The following NFAT5 variants were observed in gnomAD, a reference collection of about 807,000 sequenced individuals.
The protein encoded by NFAT5 is nuclear factor of activated T cells 5.
NFAT5 carries 31 observed loss-of-function variants against 166.5 expected under a neutral mutation model. The observed-to-expected ratio is 0.19, with a 90% CI of 0.14 to 0.25. The LOEUF (loss-of-function observed/expected upper bound fraction) is 0.25, where lower values mean the gene tolerates loss of function less well. Ranked by LOEUF, NFAT5 falls within the 10% of genes least tolerant of loss-of-function variation. NFAT5 has a pLI of 1.00. For missense variants in NFAT5, 1,449 were observed against 1,821.8 expected (o/e 0.80, Z 3.72); for synonymous variants, 612 against 639.7 (o/e 0.96, Z 0.65).
At chr16:69,663,678 T>C (rs2036245240) in intron 7 of NFAT5, among the ~76,000 whole-genome samples, 1 of 151,674 alleles carries the variant, frequency 6.6e-6, no homozygotes, top group Admixed American at 6.6e-5. Context: ...GAAACCAGCC[T>C]GGACAACATA....
At chr16:69,603,875 G>T (rs988075476) in intron 2 of NFAT5, among the ~76,000 whole-genome samples, 1 of 152,088 alleles carries the variant, frequency 6.6e-6, no homozygotes, top group Non-Finnish European at 1.5e-5. Context: ...CAATTTCCTT[G>T]CCAGTATTAT....
chr16:69,684,404 C>CA (rs1347844686), intron 10 of NFAT5, among the ~76,000 whole-genome samples: 1 of 149,174 alleles, frequency 6.7e-6, no homozygotes, highest in Non-Finnish European at 1.5e-5. Context: ...ACTAAAAATA[C>CA]AAAAAAATTA....
intron 2 of NFAT5, among the ~76,000 whole-genome samples, chr16:69,595,427 G>C (rs1347045196): frequency 1.3e-5 from 2 of 152,108 alleles, no homozygotes; most frequent in African/African-American, 2.4e-5. Context: ...TGGGTTTCTG[G>C]TGCAACATAT....
chr16:69,574,927 C>A (rs550897700), intron 2 of NFAT5, among the ~76,000 whole-genome samples: 19 of 152,160 alleles, frequency 1.2e-4, no homozygotes, highest in Non-Finnish European at 5.9e-5. Context: ...CTCCCTCAGC[C>A]TCCCAAACTG....
intron 11 of NFAT5, among the ~76,000 whole-genome samples, chr16:69,686,339 C>T (rs1358132083): frequency 2.0e-5 from 3 of 150,822 alleles, no homozygotes; most frequent in Non-Finnish European, 3.0e-5. Context: ...GGCAACAGAG[C>T]GGGACTCGGT....
At chr16:69,621,268 A>G (rs2034185269) in intron 2 of NFAT5, among the ~76,000 whole-genome samples, 1 of 151,904 alleles carries the variant, frequency 6.6e-6, no homozygotes, top group South Asian at 2.1e-4. Flanking sequence ...AAAAAAAAAC[A>G]GCTTTATTGA....
intron 6 of NFAT5, among the ~76,000 whole-genome samples, chr16:69,658,292 G>C (rs1404540424): frequency 1.3e-5 from 2 of 151,692 alleles, no homozygotes; most frequent in African/African-American, 2.4e-5. Flanking sequence ...AGACCAGCCT[G>C]GCCAACATGG....
At chr16:69,656,671 C>G (rs1297507743) in intron 6 of NFAT5, among the ~76,000 whole-genome samples, 2 of 152,038 alleles carry the variant, frequency 1.3e-5, no homozygotes, top group East Asian at 3.9e-4. Context: ...AGGCTGGTCT[C>G]CAACTCCTGA....
At chr16:69,690,319 GAA>G (rs543291121) in intron 11 of NFAT5, among the ~76,000 whole-genome samples, 1 of 144,726 alleles carries the variant, frequency 6.9e-6, no homozygotes, top group Non-Finnish European at 1.5e-5. Context: ...TATTTCTGGG[GAA>G]AAAAAAAAAG....
intron 2 of NFAT5, among the ~76,000 whole-genome samples, chr16:69,583,384 A>C (rs2031829240): frequency 6.6e-6 from 1 of 151,894 alleles, no homozygotes; most frequent in Non-Finnish European, 1.5e-5. Context: ...CTAATTAAAA[A>C]AAAAAAAAAA....
intron 6 of NFAT5, among the ~76,000 whole-genome samples, chr16:69,658,231 C>T (rs994790848): frequency 1.6e-4 from 25 of 151,896 alleles, no homozygotes; most frequent in African/African-American, 5.3e-4. Flanking sequence ...GCCTGTAATC[C>T]CAATGCTTTG....
intron 2 of NFAT5, among the ~76,000 whole-genome samples, chr16:69,586,008 A>T (rs1030922123): frequency 6.6e-6 from 1 of 152,222 alleles, no homozygotes; most frequent in Non-Finnish European, 1.5e-5. Context: ...AAAATGGTAA[A>T]TTTTATGTAT....
intron 7 of NFAT5, among the ~76,000 whole-genome samples, chr16:69,661,569 G>GAAAAAAAAAAAAAAAAAAAAA (rs1187473064): frequency 2.2e-5 from 2 of 92,030 alleles, no homozygotes; most frequent in African/African-American, 8.5e-5. Flanking sequence ...AAAAAAAAAG[G>GAAAAAAAAAAAAAAAAAAAAA]AAATTGTTCA....
At position 69,649,618 on chromosome 16, in the gene NFAT5, A is replaced by T. The variant is rs1414873545; in HGVS notation, c.812+2032A>T. ...TATATGGAAATGATGGAAGAATTTT[A>T]AAATTGGAATTTATAACAACTATAT... On this transcript the variant is annotated intron_variant, in intron 4 of 14. Transcript: ENST00000349945. 9.0e-6 allele frequency: 8 copies of T among 886,336 alleles called. No homozygotes were observed. In the East Asian group the frequency reaches 3.6e-4, roughly 40 times the overall value. The allele number at this position is 886,336 out of a possible 1,614,324, so 54.9% of individuals were successfully genotyped here.
rs2037880001 is a variant in NFAT5, at chr16:69,700,534, G to A, written c.*4183G>A. The A allele has an allele frequency of 6.6e-6, 1 of 152,064 alleles. No individual in the cohort carries two copies. The highest frequency in any genetic ancestry group is 2.1e-4 in the South Asian group (1 of 4,828). 9.4% of individuals were successfully genotyped at this position (152,064 alleles called of 1,614,324 possible). A position where few individuals can be genotyped will look rare whatever the true frequency, so the allele number is the denominator to read the frequency against. ...AATAATTAAAGTCTCAAATCACCATGGTTATACATTTTCACCAGAAATAGT... is the reference window on the plus strand; with the variant it reads ...AATAATTAAAGTCTCAAATCACCATAGTTATACATTTTCACCAGAAATAGT... On this transcript the variant is annotated 3_prime_UTR_variant, in exon 15 of 15. Transcript: ENST00000349945.
chr16:69,606,391 A>T (rs986822067), intron 2 of NFAT5, among the ~76,000 whole-genome samples: 1 of 152,220 alleles, frequency 6.6e-6, no homozygotes, highest in Non-Finnish European at 1.5e-5. Context: ...TTGTGGATTT[A>T]GTATTGCTGG....
intron 2 of NFAT5, among the ~76,000 whole-genome samples, chr16:69,619,095 A>G (rs1452306930): frequency 1.3e-5 from 2 of 152,196 alleles, no homozygotes; most frequent in African/African-American, 4.8e-5. Context: ...TAAATAAGAC[A>G]GTCTTGAGAA....
At chr16:69,577,204 CCTT>C (rs1350537741) in intron 2 of NFAT5, among the ~76,000 whole-genome samples, 2 of 152,106 alleles carry the variant, frequency 1.3e-5, no homozygotes, top group African/African-American at 4.8e-5. Context: ...TCTCTATTTC[CCTT>C]CTTCTGAAAA....
At chr16:69,579,886 A>G (rs958477681) in intron 2 of NFAT5, among the ~76,000 whole-genome samples, 5 of 152,212 alleles carry the variant, frequency 3.3e-5, no homozygotes, top group Non-Finnish European at 7.3e-5. Context: ...AATAGGAATA[A>G]TAGACTTATA....
Sources: allele counts gnomAD v4.1 joint callset (sites outside exome capture counted in the v4.1 genomes callset), GRCh38; gene constraint gnomAD v4.1.1; transcripts MANE v1.5; gene names NCBI Gene and HGNC (gene_info 2026-07-23, HGNC 2026-07-21).